FKBP1B: variants seen among roughly 807,000 people sequenced by gnomAD.
FKBP1B encodes peptidyl-prolyl cis-trans isomerase FKBP1B.
In FKBP1B, 4 loss-of-function variants were observed where a neutral mutation model predicts 13.5. The ratio of observed to expected loss-of-function variants is 0.30; its 90% CI spans 0.15 to 0.68. FKBP1B has a LOEUF of 0.68. FKBP1B is among the 30% of genes least tolerant of loss of function. The probability of loss-of-function intolerance (pLI) is 0.76; values close to 1 mark genes in which losing one functional copy is unlikely to be tolerated. For synonymous variants in FKBP1B, 54 were observed against 53.6 expected (o/e 1.01, Z -0.03); for missense variants, 93 against 136.2 (o/e 0.68, Z 1.58).
At chr2:24,040,189 T>C in the FKBP1B span, among the ~76,000 whole-genome samples, 2 of 152,162 alleles carry the variant, frequency 1.3e-5, no homozygotes, top group Admixed American at 6.6e-5. Context: ...TTGAAGCACT[T>C]GGGGTAAAAT....
the FKBP1B span, chr2:24,038,620 T>C: frequency 6.2e-7 from 1 of 1,614,038 alleles, no homozygotes. Context: ...AGACTTATGT[T>C]GATTGAAATG....
the FKBP1B span, chr2:24,038,287 A>T: frequency 6.2e-7 from 1 of 1,614,164 alleles, no homozygotes; most frequent in Non-Finnish European, 8.5e-7. Context: ...TTGTTTTCCT[A>T]CCAAAATTAG....
At chr2:24,053,502 G>A (rs1429081539) in intron 1 of FKBP1B, among the ~76,000 whole-genome samples, 1 of 151,908 alleles carries the variant, frequency 6.6e-6, no homozygotes, top group South Asian at 2.1e-4. Context: ...TTGTAATCTG[G>A]TATTTGTGTG....
upstream of FKBP1B, among the ~76,000 whole-genome samples, chr2:24,047,117 C>A (rs960350701): frequency 6.6e-6 from 1 of 152,050 alleles, no homozygotes; most frequent in Non-Finnish European, 1.5e-5. Flanking sequence ...GTCATAATCC[C>A]TCATTTACAC....
At chr2:24,039,405 A>G in the FKBP1B span, 1 of 1,614,258 alleles carries the variant, frequency 6.2e-7, no homozygotes, top group Non-Finnish European at 8.5e-7. Flanking sequence ...CTTGATTCCC[A>G]TCGGTCCAGG....
the FKBP1B span, among the ~76,000 whole-genome samples, chr2:24,040,388 G>A: frequency 6.6e-6 from 1 of 152,124 alleles, no homozygotes; most frequent in Non-Finnish European, 1.5e-5. Flanking sequence ...TTTAAGAAAA[G>A]TCTCCTCCAT....
intron 3 of FKBP1B, 90 bp downstream of exon 3, chr2:24,061,016 C>T: frequency 1.1e-6 from 1 of 925,760 alleles, no homozygotes; most frequent in South Asian, 1.5e-5. Flanking sequence ...CACCCACTCA[C>T]AGACCACTAC....
chr2:24,056,038 G>A (rs1001289505), intron 2 of FKBP1B, among the ~76,000 whole-genome samples: 1 of 152,160 alleles, frequency 6.6e-6, no homozygotes, highest in African/African-American at 2.4e-5. Context: ...TGCCCAGGCT[G>A]GAGAGAAATG....
In FKBP1B at chr2:24,050,595, TTC is replaced by T. The variant is rs1450705897; in HGVS notation, c.37+714_37+715del. ...CAAAACAGAACTCTCGCTTCCCACCTTCTCTCCTAAGTGATCCTCTTTATCCC... is the reference window on the plus strand; with the variant it reads ...CAAAACAGAACTCTCGCTTCCCACCTTCTCCTAAGTGATCCTCTTTATCCC... On this transcript the variant is annotated intron_variant, in intron 1 of 3. Coordinates refer to ENST00000380986, the MANE Select transcript of FKBP1B (RefSeq NM_004116.5). The surrounding 1 kb of genome is among the most constrained non-coding windows in gnomAD (Gnocchi z 5.8). Among the ~76,000 whole-genome samples the T allele has an allele frequency of 3.9e-5, 6 of 152,148 alleles. No individual in the cohort carries two copies. Among genetic ancestry groups the T allele is most frequent in the Non-Finnish European group, 8.8e-5 (6 of 68,010 alleles).
chr2:24,054,800 T>C (rs1008656085), intron 2 of FKBP1B, among the ~76,000 whole-genome samples: 2 of 152,192 alleles, frequency 1.3e-5, no homozygotes, highest in Non-Finnish European at 2.9e-5. Context: ...CCATGGGTCG[T>C]CTGGGGCCTC....
chr2:24,054,880 C>T (rs1664048936), intron 2 of FKBP1B, among the ~76,000 whole-genome samples: 1 of 152,182 alleles, frequency 6.6e-6, no homozygotes, highest in Non-Finnish European at 1.5e-5. Context: ...TTACTGAAAC[C>T]ACAACATCCT....
At chr2:24,037,736 T>G in the FKBP1B span, 2 of 1,614,198 alleles carry the variant, frequency 1.2e-6, no homozygotes, top group Non-Finnish European at 1.7e-6. Context: ...GAAGAGGATT[T>G]CTTCCCATTA....
chr2:24,033,298 A>G, the FKBP1B span: 2 of 389,260 alleles, frequency 5.1e-6, no homozygotes, highest in South Asian at 2.1e-5. Flanking sequence ...TAGCTAAGAC[A>G]CCTCATGGTT....
In FKBP1B at chr2:24,049,747, G is replaced by A; in HGVS notation, c.-103G>A. 1 of 946,842 alleles carries A rather than the reference G, an allele frequency of 1.1e-6. No individual in the cohort carries two copies. The highest frequency in any genetic ancestry group is 1.4e-6 in the Non-Finnish European group (1 of 715,630). 58.7% of individuals were successfully genotyped at this position (946,842 alleles called of 1,614,324 possible). A position where few individuals can be genotyped will look rare whatever the true frequency, so the allele number is the denominator to read the frequency against. The stretch of plus-strand genomic sequence containing the variant: ...CCGCACCTCCTCCGGCTCTGCAGTG[G>A]CGGCGAGGAGGCGAGCCGGAGCGAC... On this transcript the variant is annotated 5_prime_UTR_variant, in exon 1 of 4. Coordinates refer to ENST00000380986, the MANE Select transcript of FKBP1B (RefSeq NM_004116.5).
At chr2:24,040,533 ACT>A in the FKBP1B span, among the ~76,000 whole-genome samples, 3 of 152,172 alleles carry the variant, frequency 2.0e-5, no homozygotes, top group East Asian at 5.8e-4. Context: ...CTCAAAAATC[ACT>A]GTTTCTATTT....
At chr2:24,045,076 G>A (rs1161447567), upstream of FKBP1B, among the ~76,000 whole-genome samples, 3 of 152,296 alleles carry the variant, frequency 2.0e-5, no homozygotes, top group South Asian at 6.2e-4. Flanking sequence ...ACCTGAGAAG[G>A]AAGAAAGTTG....
the FKBP1B span, among the ~76,000 whole-genome samples, chr2:24,042,642 G>A: frequency 6.6e-6 from 1 of 151,432 alleles, no homozygotes; most frequent in Non-Finnish European, 1.5e-5. Flanking sequence ...CCGGGAGGTG[G>A]AGGTTGCAGT....
the FKBP1B span, among the ~76,000 whole-genome samples, chr2:24,042,644 G>C: frequency 6.6e-6 from 1 of 151,520 alleles, no homozygotes; most frequent in Non-Finnish European, 1.5e-5. Context: ...GGGAGGTGGA[G>C]GTTGCAGTGA....
chr2:24,038,810 A>C, the FKBP1B span: 1 of 1,614,228 alleles, frequency 6.2e-7, no homozygotes, highest in Non-Finnish European at 8.5e-7. Context: ...TTTAAGCCAC[A>C]GATCTTATCC....
Sources: gnomAD v4.1 joint callset for allele counts (sites outside exome capture counted in the v4.1 genomes callset) on GRCh38, gnomAD v4.1.1 for gene constraint, Gnocchi (gnomAD v3.1) non-coding constraint, MANE v1.5 for transcripts, NCBI Gene and HGNC (gene_info 2026-07-23, HGNC 2026-07-21) for gene names.